Variants in COL9A3 observed in about 807,000 individuals in gnomAD.
COL9A3 encodes collagen alpha-3(IX) chain.
COL9A3 carries 82 observed loss-of-function variants against 110.2 expected under a neutral mutation model. The ratio of observed to expected loss-of-function variants is 0.74; its 90% CI spans 0.62 to 0.89. COL9A3 has a LOEUF of 0.89. COL9A3 is among the 40% of genes least tolerant of loss of function. The pLI, the probability that COL9A3 is intolerant of heterozygous loss-of-function variation, is 0.00. For missense variants in COL9A3, 1,066 were observed against 981.3 expected (o/e 1.09, Z -1.15); for synonymous variants, 494 against 403.8 (o/e 1.22, Z -2.68).
intron 10 of COL9A3, 108 bp from the exon 11 acceptor site, chr20:62,824,337 C>T (rs998139813): frequency 2.5e-6 from 3 of 1,199,098 alleles, no homozygotes; most frequent in Non-Finnish European, 3.6e-6. Flanking sequence ...TCCCGGGGTC[C>T]CGTCACCGTG....
intron 6 of COL9A3, 136 bp downstream of exon 6, chr20:62,821,352 C>G (rs2063510826): frequency 7.5e-7 from 1 of 1,330,446 alleles, no homozygotes; most frequent in Non-Finnish European, 1.1e-6. Context: ...GAGGCTGGTG[C>G]CTGGATGGGG....
In COL9A3 at chr20:62,837,235, A is replaced by C. The variant is rs145821912; in HGVS notation, c.1756A>C (p.Thr586Pro). ...ARGPPGYRGP[T>P]GELGDPGPRG... ...AGGACCCCCTGGATACCGCGGTCCC[A>C]CTGGGGAGCTGGGAGACCCCGGGCC... Residue 586 changes from threonine (T) to proline (P), a missense_variant, in exon 30 of 32, where the codon ACT (threonine) becomes CCT (proline). Physicochemically the swap from Thr to Pro is conservative, Grantham distance 38. Transcript: ENST00000649368. 384 of 1,611,576 alleles carry C rather than the reference A, an allele frequency of 2.4e-4. No individual in the cohort carries two copies. Among genetic ancestry groups the C allele is most frequent in the Middle Eastern group, 3.3e-4 (2 of 6,058 alleles).
At chr20:62,816,219 C>T (rs1311990436), upstream of COL9A3, 1 of 152,250 alleles carries the variant, frequency 6.6e-6, no homozygotes, top group African/African-American at 2.4e-5. Context: ...CTTTGAGTCC[C>T]CTAGGGCAGC....
chr20:62,833,691 C>A (rs2063613752), intron 26 of COL9A3, among the ~76,000 whole-genome samples: 1 of 150,754 alleles, frequency 6.6e-6, no homozygotes, highest in Non-Finnish European at 1.5e-5. Flanking sequence ...GCATGAGCCA[C>A]CGCGCCCGGC....
At position 62,825,867 on chromosome 20, in the gene COL9A3, G is replaced by A; in HGVS notation, c.681G>A (p.Leu227=). The A allele has an allele frequency of 6.4e-7, 1 of 1,559,030 alleles. No homozygotes were observed. Among genetic ancestry groups the A allele is most frequent in the African/African-American group, 1.4e-5 (1 of 73,866 alleles). The change falls in exon 13 of 32, where the codon CTG becomes CTA. Residue 227 remains leucine (L), a synonymous_variant. Coordinates refer to ENST00000649368, the MANE Select transcript of COL9A3 (RefSeq NM_001853.4). The part of the protein sequence containing the change: ...GPAGLPGSVG[L]QGPRGLRGLP... Reference sequence around the variant, plus strand: ...CCGGCCTCCCGGGCAGCGTGGGGCTGCAGGTGAGGCTAGGAAGGGGTAAGG... The same window carrying A: ...CCGGCCTCCCGGGCAGCGTGGGGCTACAGGTGAGGCTAGGAAGGGGTAAGG...
At position 62,821,991 on chromosome 20, in the gene COL9A3, C is replaced by T. The variant is rs1262455639; in HGVS notation, c.424-120C>T. The T allele has an allele frequency of 3.7e-6, 3 of 808,524 alleles. No individual in the cohort carries two copies. The Admixed American group carries it at 5.3e-5, about 14-fold the overall frequency. 50.1% of individuals were successfully genotyped at this position (808,524 alleles called of 1,614,324 possible). On this transcript the variant is annotated intron_variant, in intron 8 of 31. Transcript: ENST00000649368. Reference sequence around the variant, plus strand: ...CCCGACCTCAGGACGCAGACACCAGCACAGTCCGTGGGAGTGGGGGCTGGT... The same window carrying T: ...CCCGACCTCAGGACGCAGACACCAGTACAGTCCGTGGGAGTGGGGGCTGGT...
rs962359628 is a variant in COL9A3, at chr20:62,819,435, A to G, written c.255+142A>G. The G allele has an allele frequency of 6.1e-6, 5 of 817,442 alleles. No individual in the cohort carries two copies. The African/African-American group carries it at 8.5e-5, about 14-fold the overall frequency. The allele number at this position is 817,442 out of a possible 1,614,324, so 50.6% of individuals were successfully genotyped here. Reference sequence around the variant, plus strand: ...AGAGAAGTCTCCAGAAGTCCCCAACAGGGGTCCTTTGGCCTTCATCCCAGA... The same window carrying G: ...AGAGAAGTCTCCAGAAGTCCCCAACGGGGGTCCTTTGGCCTTCATCCCAGA... On this transcript the variant is annotated intron_variant, in intron 4 of 31. Coordinates refer to ENST00000649368, the MANE Select transcript of COL9A3 (RefSeq NM_001853.4).
At chr20:62,817,914 G>C (rs755219124) in intron 2 of COL9A3, 2 of 559,734 alleles carry the variant, frequency 3.6e-6, no homozygotes, top group African/African-American at 1.9e-5. Context: ...CCCTGTGTTC[G>C]GGGTTCTGGC....
At chr20:62,825,578 G>A (rs768647431) in intron 12 of COL9A3, 4 of 604,262 alleles carry the variant, frequency 6.6e-6, no homozygotes, top group South Asian at 1.9e-5. Flanking sequence ...CCTGGACAGG[G>A]CTGAAGGGCC....
In COL9A3 at chr20:62,817,058, C is replaced by G; in HGVS notation, c.-7C>G. 2 of 1,352,180 alleles carry G rather than the reference C, an allele frequency of 1.5e-6. No individual in the cohort carries two copies. The highest frequency in any genetic ancestry group is 3.5e-5 in the East Asian group (1 of 28,502). 83.8% of individuals were successfully genotyped at this position (1,352,180 alleles called of 1,614,324 possible). A position where few individuals can be genotyped will look rare whatever the true frequency, so the allele number is the denominator to read the frequency against. On this transcript the variant is annotated 5_prime_UTR_variant, in exon 1 of 32. Coordinates refer to ENST00000649368, the MANE Select transcript of COL9A3 (RefSeq NM_001853.4). ...CCCCGACGCCGCAGCTCAGACTCCG[C>G]TCAGCCATGGCCGGGCCGCGCGCGT...
Position 62,836,260 on chromosome 20 carries a change from C to T in COL9A3, c.1475C>T (p.Pro492Leu). The change falls in exon 28 of 32, where the codon CCC becomes CTC. Residue 492 changes from proline to leucine, a missense_variant. Coordinates refer to ENST00000649368, the MANE Select transcript of COL9A3 (RefSeq NM_001853.4). The part of the protein sequence containing the change: ...PNGTSGVQGV[P>L]GPPGPLGLQG... ...GGCACCAGCGGTGTTCAGGGTGTCC[C>T]CGGGCCCCCCGGTCCTCTGGGCCTG... is the stretch of plus-strand genomic sequence containing the variant. 1 of 1,613,792 alleles carries T rather than the reference C, an allele frequency of 6.2e-7. No homozygotes were observed. Among genetic ancestry groups the T allele is most frequent in the East Asian group, 2.2e-5 (1 of 44,894 alleles).
At chr20:62,822,689 G>A in intron 10 of COL9A3, 57 bp downstream of exon 10, 1 of 1,578,680 alleles carries the variant, frequency 6.3e-7, no homozygotes, top group South Asian at 1.1e-5. Context: ...TTGGGGGGAG[G>A]GGTTCTGGCC....
intron 9 of COL9A3, 136 bp from the exon 10 acceptor site, chr20:62,822,455 G>A (rs1198808935): frequency 3.1e-6 from 3 of 961,668 alleles, no homozygotes; most frequent in Non-Finnish European, 5.0e-6. Flanking sequence ...GGCCACTTGG[G>A]GGACAGGATG....
Position 62,836,252 on chromosome 20 carries a change from G to C in COL9A3, c.1467G>C (p.Gln489His). 1 of 1,613,744 alleles carries C rather than the reference G, an allele frequency of 6.2e-7. No individual in the cohort carries two copies. The highest frequency in any genetic ancestry group is 1.6e-4 in the Middle Eastern group (1 of 6,062). ...GTCCCAACGGCACCAGCGGTGTTCA[G>C]GGTGTCCCCGGGCCCCCCGGTCCTC... is the stretch of plus-strand genomic sequence containing the variant. ...TQGPNGTSGV[Q>H]GVPGPPGPLG... Residue 489 changes from glutamine to histidine, a missense_variant, in exon 28 of 32, where the codon CAG (glutamine) becomes CAC (histidine). Physicochemically the swap from Gln to His is conservative, Grantham distance 24. Coordinates refer to ENST00000649368, the MANE Select transcript of COL9A3 (RefSeq NM_001853.4).
intron 3 of COL9A3, 35 bp from the exon 4 acceptor site, chr20:62,819,187 C>T (rs776474577): frequency 7.5e-6 from 12 of 1,603,146 alleles, no homozygotes; most frequent in South Asian, 4.4e-5. Flanking sequence ...AGGCCAGACC[C>T]CGCCTTCACA....
At chr20:62,818,794 C>G (rs1333816308) in intron 3 of COL9A3, among the ~76,000 whole-genome samples, 1 of 152,084 alleles carries the variant, frequency 6.6e-6, no homozygotes, top group Non-Finnish European at 1.5e-5. Context: ...CAGCGCCAGG[C>G]AGGCCGGGAC....
At chr20:62,826,477 CCCA>C (rs2063553880) in intron 14 of COL9A3, among the ~76,000 whole-genome samples, 1 of 152,094 alleles carries the variant, frequency 6.6e-6, no homozygotes, top group Non-Finnish European at 1.5e-5. Flanking sequence ...CGCACGCGGT[CCCA>C]GGCTGCTGTG....
Position 62,836,517 on chromosome 20 carries a change from G to T in COL9A3, c.1588G>T (p.Gly530Trp), listed in dbSNP as rs759377762. The change falls in exon 29 of 32, where the codon GGG becomes TGG. Residue 530 changes from glycine (G) to tryptophan (W), a missense_variant. Physicochemically the swap from Gly to Trp is radical, Grantham distance 184. Coordinates refer to ENST00000649368, the MANE Select transcript of COL9A3 (RefSeq NM_001853.4). ...CGAGCAGCGCATCAGGGAGCTGTGTGGGGGGATGATCAGCGGTAAGTCAGC... is the reference window on the plus strand; with the variant it reads ...CGAGCAGCGCATCAGGGAGCTGTGTTGGGGGATGATCAGCGGTAAGTCAGC... ...ASEQRIRELC[G>W]GMISEQIAQL... 6.2e-6 allele frequency: 10 copies of T among 1,612,318 alleles called. No homozygotes were observed. The highest frequency in any genetic ancestry group is 2.2e-5 in the South Asian group (2 of 90,790).
At chr20:62,826,845 C>T (rs768852541) in intron 15 of COL9A3, 25 bp downstream of exon 15, 8 of 1,611,346 alleles carry the variant, frequency 5.0e-6, no homozygotes, top group East Asian at 2.2e-5. Context: ...GGACGGTGGG[C>T]GCCATGCCTC....
Sources: gnomAD v4.1 joint callset for allele counts (sites outside exome capture counted in the v4.1 genomes callset) on GRCh38, gnomAD v4.1.1 for gene constraint, MANE v1.5 for transcripts, NCBI Gene and HGNC (gene_info 2026-07-23, HGNC 2026-07-21) for gene names.